Variants in PHACTR1 observed in about 807,000 individuals in gnomAD.
PHACTR1 encodes phosphatase and actin regulator 1, also known as RPEL repeat containing 1.
PHACTR1 carries 16 observed loss-of-function variants against 69.2 expected under a neutral mutation model. That is an observed-to-expected ratio of 0.23 (90% CI 0.16 to 0.35). The LOEUF is 0.35. Ranked by LOEUF, PHACTR1 falls within the 10% of genes least tolerant of loss-of-function variation. PHACTR1 has a pLI of 1.00. For missense variants in PHACTR1, 510 were observed against 734.7 expected (o/e 0.69, Z 3.54); for synonymous variants, 312 against 284.5 (o/e 1.10, Z -0.97).
intron 5 of PHACTR1, among the ~76,000 whole-genome samples, chr6:13,089,591 G>A (rs952455484): frequency 1.3e-5 from 2 of 152,182 alleles, no homozygotes; most frequent in African/African-American, 4.8e-5. Context: ...TGTTCATTAA[G>A]TGGGGAAACC....
At chr6:12,801,317 C>T (rs1423249885) in intron 4 of PHACTR1, among the ~76,000 whole-genome samples, 2 of 152,178 alleles carry the variant, frequency 1.3e-5, no homozygotes. Flanking sequence ...TCAACAGTGG[C>T]CACGTGCCTC....
At chr6:13,093,342 T>C (rs1366039656) in intron 5 of PHACTR1, among the ~76,000 whole-genome samples, 1 of 152,238 alleles carries the variant, frequency 6.6e-6, no homozygotes, top group East Asian at 1.9e-4. Flanking sequence ...TTCAGTTGTA[T>C]TTAGCCAGAA....
chr6:13,125,675 T>C (rs1348220894), intron 5 of PHACTR1, among the ~76,000 whole-genome samples: 2 of 152,244 alleles, frequency 1.3e-5, no homozygotes, highest in African/African-American at 4.8e-5. Flanking sequence ...ATGCCTGTAA[T>C]CCTAGCACTT....
intron 4 of PHACTR1, among the ~76,000 whole-genome samples, chr6:12,800,602 G>C (rs1773582007): frequency 6.6e-6 from 1 of 152,164 alleles, no homozygotes; most frequent in Non-Finnish European, 1.5e-5. Flanking sequence ...TTTGGAAGTT[G>C]AAGCCAGGTG....
intron 4 of PHACTR1, among the ~76,000 whole-genome samples, chr6:12,928,500 A>G (rs1788516474): frequency 6.6e-6 from 1 of 152,112 alleles, no homozygotes; most frequent in South Asian, 2.1e-4. Flanking sequence ...CCTTTTCCTC[A>G]AAGCCTGCTC....
intron 4 of PHACTR1, among the ~76,000 whole-genome samples, chr6:13,048,275 G>GA (rs1253265505): frequency 1.3e-5 from 2 of 152,172 alleles, no homozygotes; most frequent in Non-Finnish European, 2.9e-5. Flanking sequence ...GCTCAGTCCT[G>GA]GCAGTTGACA....
At chr6:12,823,415 A>C (rs968366556) in intron 4 of PHACTR1, among the ~76,000 whole-genome samples, 6 of 152,230 alleles carry the variant, frequency 3.9e-5, no homozygotes, top group African/African-American at 1.4e-4. Context: ...ATAAAATATA[A>C]GAAATGTTCC....
intron 5 of PHACTR1, among the ~76,000 whole-genome samples, chr6:13,128,639 A>G (rs777280718): frequency 6.6e-6 from 1 of 151,928 alleles, no homozygotes; most frequent in Non-Finnish European, 1.5e-5. Flanking sequence ...AGCCTCCAAG[A>G]AAATTGAGAT....
At chr6:13,188,013 C>T (rs1410387427) in intron 7 of PHACTR1, among the ~76,000 whole-genome samples, 1 of 152,208 alleles carries the variant, frequency 6.6e-6, no homozygotes, top group Non-Finnish European at 1.5e-5. Flanking sequence ...GGGTTCTTTA[C>T]ATATGAGAGA....
chr6:12,985,541 A>AAAAAAATAT (rs1179784179), intron 4 of PHACTR1, among the ~76,000 whole-genome samples: 1 of 132,768 alleles, frequency 7.5e-6, no homozygotes, highest in African/African-American at 2.9e-5. Context: ...AAAAAAAAAA[A>AAAAAAATAT]ATATATATAT....
chr6:12,980,470 C>A (rs376639057), intron 4 of PHACTR1, among the ~76,000 whole-genome samples: 1 of 152,070 alleles, frequency 6.6e-6, no homozygotes, highest in Admixed American at 6.6e-5. Flanking sequence ...TCCCAGAGAG[C>A]AAAGTATGTT....
chr6:13,228,062 C>G lies in PHACTR1; in HGVS notation c.1233C>G (p.Thr411=), dbSNP rs1393645301. Reference sequence around the variant, plus strand: ...AAGACGACGACAGCTCATTATACACCAGTGCGTTCATCTTAACTCATCACC... The same window carrying G: ...AAGACGACGACAGCTCATTATACACGAGTGCGTTCATCTTAACTCATCACC... ...EDEDDDSSLY[T]SSLAMKVCRK... is the part of the protein sequence containing the mutation. The change falls in exon 9 of 15, where the codon ACC becomes ACG. Residue 411 remains threonine (T), a splice_region_variant and synonymous_variant. Coordinates refer to ENST00000332995, the MANE Select transcript of PHACTR1 (RefSeq NM_030948.6). The G allele has an allele frequency of 1.2e-6, 2 of 1,609,322 alleles. No homozygotes were observed. Among genetic ancestry groups the G allele is most frequent in the African/African-American group, 2.7e-5 (2 of 74,858 alleles).
intron 4 of PHACTR1, among the ~76,000 whole-genome samples, chr6:13,047,795 G>A (rs774380926): frequency 1.4e-4 from 21 of 152,044 alleles, no homozygotes; most frequent in Admixed American, 3.3e-4. Flanking sequence ...TTCTAGGCCA[G>A]CAGAAAGCCA....
intron 4 of PHACTR1, among the ~76,000 whole-genome samples, chr6:12,810,753 A>G (rs1002838427): frequency 2.0e-5 from 3 of 151,854 alleles, no homozygotes; most frequent in Non-Finnish European, 2.9e-5. Context: ...TCTCCTACCA[A>G]CTACCTCCAT....
At position 13,278,344 on chromosome 6, in the gene PHACTR1, A is replaced by G; in HGVS notation, c.1509+15A>G. On this transcript the variant is annotated intron_variant, in intron 12 of 14. Transcript: ENST00000332995. Reference sequence around the variant, plus strand: ...TAACCCGAAAGGTAGGTGGTTCTCCATGCCAAGAGCTGGGACAGGAGAGGG... The same window carrying G: ...TAACCCGAAAGGTAGGTGGTTCTCCGTGCCAAGAGCTGGGACAGGAGAGGG... 1.3e-6 allele frequency: 2 copies of G among 1,583,230 alleles called. No individual in the cohort carries two copies. The highest frequency in any genetic ancestry group is 1.7e-6 in the Non-Finnish European group (2 of 1,164,428).
chr6:13,080,760 C>T (rs1430080766), intron 5 of PHACTR1, among the ~76,000 whole-genome samples: 1 of 151,988 alleles, frequency 6.6e-6, no homozygotes, highest in South Asian at 2.1e-4. Flanking sequence ...AAAAAGAAAA[C>T]CTGGTAGAAA....
intron 4 of PHACTR1, among the ~76,000 whole-genome samples, chr6:12,754,681 G>A (rs910153841): frequency 3.3e-5 from 5 of 152,180 alleles, no homozygotes; most frequent in African/African-American, 4.8e-5. Context: ...AAGTACAGTC[G>A]GCCTTCGGCA....
chr6:12,910,149 C>T (rs1038247023), intron 4 of PHACTR1, among the ~76,000 whole-genome samples: 2 of 152,104 alleles, frequency 1.3e-5, no homozygotes, highest in Non-Finnish European at 2.9e-5. Context: ...CCAGACCAGC[C>T]AAGAGGGAGG....
chr6:13,257,354 A>G (rs1374910940), intron 10 of PHACTR1, among the ~76,000 whole-genome samples: 2 of 152,170 alleles, frequency 1.3e-5, no homozygotes, highest in Non-Finnish European at 2.9e-5. Context: ...GGGTATTACA[A>G]TTGAACATGA....
Sources: gnomAD v4.1 joint callset for allele counts (sites outside exome capture counted in the v4.1 genomes callset) on GRCh38, gnomAD v4.1.1 for gene constraint, MANE v1.5 for transcripts, NCBI Gene and HGNC (gene_info 2026-07-23, HGNC 2026-07-21) for gene names.